Variants in BICRAL observed in about 807,000 individuals in gnomAD.
The protein encoded by BICRAL is BRD4-interacting chromatin-remodeling complex-associated protein-like.
BICRAL carries 8 observed loss-of-function variants against 91.8 expected under a neutral mutation model. That is an observed-to-expected ratio of 0.09 (90% CI 0.05 to 0.16). The LOEUF is 0.16. Ranked by LOEUF, BICRAL falls within the 10% of genes least tolerant of loss-of-function variation. BICRAL has a pLI of 1.00. For missense variants in BICRAL, 1,038 were observed against 1,310.9 expected, an observed-to-expected ratio of 0.79 and a Z score of 3.21; for synonymous variants, 445 against 491.1, an observed-to-expected ratio of 0.91 and a Z score of 1.24.
In BICRAL at chr6:42,867,115, T is replaced by C. The variant is rs1448315733; in HGVS notation, c.*1669T>C. The C allele has an allele frequency of 3.6e-6, 1 of 277,628 alleles. No individual in the cohort carries two copies. The highest frequency in any genetic ancestry group is 9.3e-5 in the East Asian group (1 of 10,768). The allele number at this position is 277,628 out of a possible 1,614,324, so 17.2% of individuals were successfully genotyped here. The stretch of plus-strand genomic sequence containing the variant: ...AATCTGCTTCTGGCTGTCGCCAACA[T>C]GGGGATGACCCCCATTGTCATCATG... On this transcript the variant is annotated 3_prime_UTR_variant, in exon 13 of 13. Transcript: ENST00000314073.
intron 1 of BICRAL, among the ~76,000 whole-genome samples, chr6:42,770,412 A>AT (rs531644287): frequency 9.0e-4 from 114 of 126,232 alleles, no homozygotes; most frequent in East Asian, 1.8e-3. Flanking sequence ...TATTATTATT[A>AT]TTTTTTTTTT....
At chr6:42,796,718 G>A (rs1763420448) in intron 1 of BICRAL, among the ~76,000 whole-genome samples, 1 of 152,124 alleles carries the variant, frequency 6.6e-6, no homozygotes, top group South Asian at 2.1e-4. Context: ...GGTATAGCCA[G>A]TGGGATTTCC....
intron 1 of BICRAL, among the ~76,000 whole-genome samples, chr6:42,783,818 G>T (rs1353609575): frequency 6.6e-6 from 1 of 152,222 alleles, no homozygotes; most frequent in Non-Finnish European, 1.5e-5. Context: ...CCTCCCAGTC[G>T]AAATTGGAGG....
chr6:42,783,884 C>G (rs566658413), intron 1 of BICRAL, among the ~76,000 whole-genome samples: 9 of 152,334 alleles, frequency 5.9e-5, no homozygotes, highest in African/African-American at 2.2e-4. Flanking sequence ...TCTTTGTCTT[C>G]TCTGGCCCGG....
intron 2 of BICRAL, among the ~76,000 whole-genome samples, chr6:42,812,268 G>A (rs1763862169): frequency 2.6e-5 from 4 of 152,046 alleles, no homozygotes; most frequent in Admixed American, 2.6e-4. Context: ...AGACCAGCCT[G>A]GGCAACATGG....
Position 42,865,060 on chromosome 6 carries a change from G to A in BICRAL, c.2854G>A (p.Glu952Lys). 1 of 1,614,142 alleles carries A rather than the reference G, an allele frequency of 6.2e-7. No homozygotes were observed. Among genetic ancestry groups the A allele is most frequent in the Non-Finnish European group, 8.5e-7 (1 of 1,180,040 alleles). Residue 952 changes from glutamate to lysine, a missense_variant, in exon 13 of 13, where the codon GAG becomes AAG. Physicochemically the swap from Glu to Lys is moderately conservative, Grantham distance 56 (BLOSUM62 1). Around this residue, in one of 5 missense-constraint regions of BICRAL, gnomAD observed 294 missense variants for 292.6 expected, o/e 1.00. Transcript: ENST00000314073. ...CTCATCCAGATCGGATCATGGTACT[G>A]AGAGCAAACTGTCAAGCATCCTAGC... ...KTSSRSDHGT[E>K]SKLSSILADS...
intron 10 of BICRAL, among the ~76,000 whole-genome samples, chr6:42,858,773 T>C (rs1356237355): frequency 6.6e-6 from 1 of 151,600 alleles, no homozygotes; most frequent in Non-Finnish European, 1.5e-5. Context: ...GCCGAGATCG[T>C]GCCATTGCAC....
intron 6 of BICRAL, among the ~76,000 whole-genome samples, chr6:42,848,282 T>C (rs1363666429): frequency 1.3e-5 from 2 of 149,000 alleles, no homozygotes; most frequent in Non-Finnish European, 3.0e-5. Flanking sequence ...GGCATGATGG[T>C]GCATACCTGT....
intron 3 of BICRAL, among the ~76,000 whole-genome samples, chr6:42,822,494 C>T (rs1381151444): frequency 6.6e-6 from 1 of 151,532 alleles, no homozygotes; most frequent in African/African-American, 2.4e-5. Context: ...AGTGATCCTC[C>T]TGCCTCAGCC....
intron 1 of BICRAL, among the ~76,000 whole-genome samples, chr6:42,784,129 CTT>C (rs1218739600): frequency 1.3e-5 from 2 of 152,102 alleles, no homozygotes; most frequent in African/African-American, 2.4e-5. Flanking sequence ...TTTTTTGAAA[CTT>C]TTTTTGTTGG....
upstream of BICRAL, among the ~76,000 whole-genome samples, chr6:42,779,223 A>AACACACACACACAC (rs57493144): frequency 3.0e-5 from 4 of 132,444 alleles, no homozygotes; most frequent in Non-Finnish European, 4.8e-5. Context: ...TCTCAAGAAA[A>AACACACACACACAC]ACACACACAC....
chr6:42,826,523 CT>C (rs1764308838), intron 5 of BICRAL, among the ~76,000 whole-genome samples: 2 of 151,614 alleles, frequency 1.3e-5, no homozygotes, highest in South Asian at 4.2e-4. Context: ...GAGTGAGCAA[CT>C]GTGCCCAGCC....
chr6:42,841,264 C>T lies in BICRAL; in HGVS notation c.1840-10828C>T, dbSNP rs576883474. Reference sequence around the variant, plus strand: ...AGTGCAGTGGCACGATCTTGGCTCACTGCAACCTCCACCTCCCGGGTTCAA... The same window carrying T: ...AGTGCAGTGGCACGATCTTGGCTCATTGCAACCTCCACCTCCCGGGTTCAA... On this transcript the variant is annotated intron_variant, in intron 6 of 12. Coordinates refer to ENST00000314073, the MANE Select transcript of BICRAL (RefSeq NM_001393499.1). Among the ~76,000 whole-genome samples, 28 of 146,006 alleles carry T rather than the reference C, an allele frequency of 1.9e-4. No homozygotes were observed. In the South Asian group the frequency reaches 2.7e-3, roughly 14 times the overall value.
rs1231917031 is a variant in BICRAL at position 42,867,942 on chromosome 6, C to T, written c.*2496C>T. The T allele has an allele frequency of 6.6e-6, 1 of 152,550 alleles. No individual in the cohort carries two copies. Among genetic ancestry groups the T allele is most frequent in the African/African-American group, 2.4e-5 (1 of 41,436 alleles). The allele number at this position is 152,550 out of a possible 1,614,324, so 9.4% of individuals were successfully genotyped here. A position where few individuals can be genotyped will look rare whatever the true frequency, so the allele number is the denominator to read the frequency against. ...GGTTCTACGCACATGGGTCATAACT[C>T]GCATGTCGAGCCCCCTCTAGTGAAG... On this transcript the variant is annotated 3_prime_UTR_variant, in exon 13 of 13. Coordinates refer to ENST00000314073, the MANE Select transcript of BICRAL (RefSeq NM_001393499.1).
intron 1 of BICRAL, among the ~76,000 whole-genome samples, chr6:42,806,388 T>A (rs1378705094): frequency 6.6e-6 from 1 of 152,168 alleles, no homozygotes; most frequent in Admixed American, 6.6e-5. Context: ...AGAGTCTTAC[T>A]CTGTTGTCGA....
chr6:42,760,553 A>C (rs1762528635), intron 1 of BICRAL, among the ~76,000 whole-genome samples: 1 of 151,556 alleles, frequency 6.6e-6, no homozygotes, highest in African/African-American at 2.4e-5. Context: ...ATGTGGTTTC[A>C]ACATTATTAT....
intron 2 of BICRAL, among the ~76,000 whole-genome samples, chr6:42,817,473 A>T (rs1388519492): frequency 6.6e-6 from 1 of 151,544 alleles, no homozygotes; most frequent in Non-Finnish European, 1.5e-5. Flanking sequence ...TTAATACAAG[A>T]ACTCTTTTTT....
intron 1 of BICRAL, among the ~76,000 whole-genome samples, chr6:42,768,556 G>A (rs1368674115): frequency 6.6e-6 from 1 of 152,186 alleles, no homozygotes; most frequent in African/African-American, 2.4e-5. Flanking sequence ...CAGATTAGCA[G>A]GTAGAATGAG....
At chr6:42,855,977 CA>C in intron 9 of BICRAL, 60 bp downstream of exon 9, 3 of 1,271,274 alleles carry the variant, frequency 2.4e-6, no homozygotes, top group Non-Finnish European at 3.5e-6. Flanking sequence ...CCCTAGCCTT[CA>C]ATAAATATAC....
Sources: gnomAD v4.1 joint callset for allele counts (sites outside exome capture counted in the v4.1 genomes callset) on GRCh38, gnomAD v4.1.1 for gene constraint, gnomAD v4.1.1 regional missense constraint, MANE v1.5 for transcripts, NCBI Gene and HGNC (gene_info 2026-07-23, HGNC 2026-07-21) for gene names.